The following SP4 variants were observed in gnomAD, a reference collection of about 807,000 sequenced individuals.
SP4 encodes transcription factor Sp4.
In SP4, 19 loss-of-function variants were observed where a neutral mutation model predicts 72.8. That is an observed-to-expected ratio of 0.26 (90% CI 0.18 to 0.38). The LOEUF (loss-of-function observed/expected upper bound fraction) is 0.38, where lower values mean the gene tolerates loss of function less well. Ranked by LOEUF, SP4 falls within the 10% of genes least tolerant of loss-of-function variation. SP4 has a pLI of 1.00. For missense variants in SP4, 1,008 were observed against 926.3 expected (o/e 1.09, Z -1.14); for synonymous variants, 395 against 333.1 (o/e 1.19, Z -2.02).
Position 21,439,099 on chromosome 7 carries a change from A to G in SP4, c.1678+8256A>G, listed in dbSNP as rs375582221. 1.1e-3 allele frequency among the ~76,000 whole-genome samples: 161 copies of G among 152,324 alleles called. 1 individual carries two copies. The highest frequency in any genetic ancestry group is 3.8e-3 in the African/African-American group (156 of 41,578). On this transcript the variant is annotated intron_variant, in intron 3 of 5. Coordinates refer to ENST00000222584, the MANE Select transcript of SP4 (RefSeq NM_003112.5). ...AGGGATCCAGTGGGGGTCTTGGAAC[A>G]TATTCCCCCCTCTGATAAGGGGGGA... is the stretch of plus-strand genomic sequence containing the variant.
chr7:21,476,710 T>C (rs1172658815), intron 3 of SP4, among the ~76,000 whole-genome samples: 1 of 152,206 alleles, frequency 6.6e-6, no homozygotes, highest in Non-Finnish European at 1.5e-5. Flanking sequence ...AAGCTTTGTG[T>C]TTATATAACA....
chr7:21,461,246 G>A (rs923803154), intron 3 of SP4, among the ~76,000 whole-genome samples: 10 of 152,176 alleles, frequency 6.6e-5, no homozygotes, highest in Admixed American at 5.9e-4. Flanking sequence ...ATGGAGCAGG[G>A]GGCGGTGCTT....
intron 2 of SP4, 148 bp from the exon 3 acceptor site, chr7:21,429,141 T>G (rs748620518): frequency 1.7e-6 from 1 of 597,466 alleles, no homozygotes; most frequent in Non-Finnish European, 3.0e-6. Context: ...TATCTACTTT[T>G]GTTCGTATTT....
intron 4 of SP4, among the ~76,000 whole-genome samples, chr7:21,477,537 C>T (rs1784538076): frequency 6.6e-6 from 1 of 151,368 alleles, no homozygotes; most frequent in South Asian, 2.1e-4. Flanking sequence ...TTCTTCCCCA[C>T]CCCTCCCCCA....
intron 3 of SP4, among the ~76,000 whole-genome samples, chr7:21,455,378 C>T (rs543180364): frequency 6.6e-6 from 1 of 152,246 alleles, no homozygotes; most frequent in Admixed American, 6.5e-5. Flanking sequence ...AAGGATCAAA[C>T]TTTTCCCAGT....
chr7:21,448,867 C>T (rs1410386966), intron 3 of SP4, among the ~76,000 whole-genome samples: 1 of 152,136 alleles, frequency 6.6e-6, no homozygotes, highest in Non-Finnish European at 1.5e-5. Flanking sequence ...AGTAAATAGC[C>T]AATGGAAATG....
At chr7:21,492,457 G>T (rs1306731143) in intron 5 of SP4, among the ~76,000 whole-genome samples, 1 of 152,066 alleles carries the variant, frequency 6.6e-6, no homozygotes, top group Non-Finnish European at 1.5e-5. Flanking sequence ...GGAGTGTGTT[G>T]TTTTTCAGTT....
At position 21,513,031 on chromosome 7, in the gene SP4, C is replaced by T. The variant is rs1376925767; in HGVS notation, c.*1762C>T. 5 of 152,514 alleles carry T rather than the reference C, an allele frequency of 3.3e-5. No homozygotes were observed. Among genetic ancestry groups the T allele is most frequent in the African/African-American group, 1.2e-4 (5 of 41,412 alleles). The allele number at this position is 152,514 out of a possible 1,614,324, so 9.4% of individuals were successfully genotyped here. On this transcript the variant is annotated 3_prime_UTR_variant, in exon 6 of 6. Transcript: ENST00000222584. ...TTGAAAACTAAAAGTTTTTACCTAC[C>T]TGCTCAATTTATTAACATCATTGCT...
chr7:21,451,178 A>G (rs1008844340), intron 3 of SP4, among the ~76,000 whole-genome samples: 4 of 152,226 alleles, frequency 2.6e-5, no homozygotes, highest in African/African-American at 4.8e-5. Flanking sequence ...TAGTGCTCAT[A>G]TATCAGTTAA....
intron 3 of SP4, among the ~76,000 whole-genome samples, chr7:21,439,483 A>G (rs76347701): frequency 0.012 from 1,741 of 142,800 alleles, 15 homozygotes; most frequent in South Asian, 0.036. Flanking sequence ...CTCATTCCCT[A>G]CTCCCCTCAC....
At chr7:21,487,164 A>G (rs559571696) in intron 5 of SP4, among the ~76,000 whole-genome samples, 1 of 152,164 alleles carries the variant, frequency 6.6e-6, no homozygotes, top group Non-Finnish European at 1.5e-5. Flanking sequence ...ACCTTTGGCC[A>G]TTGGAAGGTC....
rs758623776 is a variant in SP4, at chr7:21,428,685, AAGGAGG to A, written c.29_34del (p.Glu10_Glu11del). 9.7e-6 allele frequency: 15 copies of A among 1,548,316 alleles called. No homozygotes were observed. Among genetic ancestry groups the A allele is most frequent in the African/African-American group, 2.7e-5 (2 of 72,854 alleles). On this transcript the variant is annotated inframe_deletion, in exon 2 of 6. Transcript: ENST00000222584. ...GGGGGGGTTTGTTGCAGATCAGAAG[AAGGAGG>A]AGGAGGAGGAGGCGGCAGCGGCAGC...
At chr7:21,495,148 C>A (rs965974288) in intron 5 of SP4, among the ~76,000 whole-genome samples, 1 of 152,092 alleles carries the variant, frequency 6.6e-6, no homozygotes, top group African/African-American at 2.4e-5. Flanking sequence ...AAATATAGGA[C>A]AAAATCTTTG....
chr7:21,436,556 G>A (rs1286884845), intron 3 of SP4, among the ~76,000 whole-genome samples: 1 of 152,174 alleles, frequency 6.6e-6, no homozygotes, highest in Non-Finnish European at 1.5e-5. Context: ...ATTCTGCACT[G>A]CTACATTAAG....
chr7:21,428,283 TCTCCTTCGCCGC>T, intron 1 of SP4, 25 bp downstream of exon 1: 1 of 1,396,458 alleles, frequency 7.2e-7, no homozygotes, highest in Non-Finnish European at 9.9e-7. Context: ...CCCCCCTCAG[TCTCCTTCGCCGC>T]CTCCCTCTCT....
intron 5 of SP4, among the ~76,000 whole-genome samples, chr7:21,492,138 A>C (rs373006080): frequency 8.7e-4 from 133 of 152,298 alleles, no homozygotes; most frequent in Middle Eastern, 3.4e-3. Flanking sequence ...TGGCCAATAT[A>C]ACAGAAAGGG....
At chr7:21,468,635 T>C (rs77570504) in intron 3 of SP4, among the ~76,000 whole-genome samples, 1 of 151,958 alleles carries the variant, frequency 6.6e-6, no homozygotes, top group Non-Finnish European at 1.5e-5. Flanking sequence ...TTATAATAAT[T>C]TGTTGATTTT....
At chr7:21,455,500 C>G (rs1474403559) in intron 3 of SP4, among the ~76,000 whole-genome samples, 1 of 152,144 alleles carries the variant, frequency 6.6e-6, no homozygotes, top group Admixed American at 6.5e-5. Flanking sequence ...CTCTTACTTT[C>G]CTATATCCTG....
intron 3 of SP4, among the ~76,000 whole-genome samples, chr7:21,457,063 A>G (rs980862359): frequency 3.3e-5 from 5 of 152,234 alleles, no homozygotes; most frequent in Non-Finnish European, 5.9e-5. Context: ...ACTGGGAAAC[A>G]TATCTGAGTC....
Sources: gnomAD v4.1 joint callset for allele counts (sites outside exome capture counted in the v4.1 genomes callset) on GRCh38, gnomAD v4.1.1 for gene constraint, MANE v1.5 for transcripts, NCBI Gene and HGNC (gene_info 2026-07-23, HGNC 2026-07-21) for gene names.